Variants in HACD4 observed in about 807,000 individuals in gnomAD.
HACD4 encodes the protein very-long-chain (3R)-3-hydroxyacyl-CoA dehydratase 4.
Under a neutral mutation model 33.3 loss-of-function variants are expected in HACD4, and 35 were observed. The observed-to-expected ratio is 1.05, with a 90% CI of 0.80 to 1.39. HACD4 has a LOEUF of 1.39. Among genes scored for constraint, HACD4 ranks in the 40% most tolerant of loss-of-function variants. The pLI is 0.00. For missense variants in HACD4, 323 were observed against 276.5 expected, an observed-to-expected ratio of 1.17 and a Z score of -1.19; for synonymous variants, 118 against 98.0, an observed-to-expected ratio of 1.20 and a Z score of -1.21.
chr9:21,017,970 A>G (rs1375049561), intron 3 of HACD4: 1 of 152,180 alleles, frequency 6.6e-6, no homozygotes, highest in Admixed American at 6.5e-5. Flanking sequence ...TCATCACTTC[A>G]CTGTCTGTGG....
chr9:21,024,356 A>G (rs936154194), intron 3 of HACD4, among the ~76,000 whole-genome samples: 14 of 152,254 alleles, frequency 9.2e-5, no homozygotes, highest in African/African-American at 3.4e-4. Context: ...TATCTCTCCC[A>G]GTAACTGAAG....
rs536345437 is a variant in HACD4 at position 21,005,560 on chromosome 9, G to A, written c.*1477C>T. 6.6e-6 allele frequency: 1 copy of A among 152,332 alleles called. No individual in the cohort carries two copies. The highest frequency in any genetic ancestry group is 2.1e-4 in the South Asian group (1 of 4,822). 9.4% of individuals were successfully genotyped at this position (152,332 alleles called of 1,614,324 possible). A position where few individuals can be genotyped will look rare whatever the true frequency, so the allele number is the denominator to read the frequency against. ...ACCATAGAGCTATTCAGCTGTGAATGTACACTATTCTTCAAGAAAAGGAGA... is the reference window on the plus strand; with the variant it reads ...ACCATAGAGCTATTCAGCTGTGAATATACACTATTCTTCAAGAAAAGGAGA... On this transcript the variant is annotated 3_prime_UTR_variant, in exon 7 of 7. Coordinates refer to ENST00000495827, the MANE Select transcript of HACD4 (RefSeq NM_001010915.5). This position sits in a 1 kb window ranked among gnomAD's most constrained non-coding sequence, Gnocchi z 4.0.
At chr9:21,013,854 G>A (rs944717726) in intron 4 of HACD4, among the ~76,000 whole-genome samples, 1 of 152,054 alleles carries the variant, frequency 6.6e-6, no homozygotes, top group African/African-American at 2.4e-5. Context: ...TTATGTATAA[G>A]ATGTCATCTG....
intron 6 of HACD4, among the ~76,000 whole-genome samples, chr9:21,007,767 A>C (rs756441232): frequency 2.6e-5 from 4 of 152,188 alleles, no homozygotes; most frequent in Non-Finnish European, 5.9e-5. Context: ...TCTATATCTC[A>C]TACATAATGC....
At chr9:21,021,977 C>G (rs1274107433) in intron 3 of HACD4, among the ~76,000 whole-genome samples, 1 of 152,132 alleles carries the variant, frequency 6.6e-6, no homozygotes, top group Non-Finnish European at 1.5e-5. Flanking sequence ...TGACTTCAAA[C>G]TATACTACAA....
chr9:21,026,559 G>T, intron 3 of HACD4, 37 bp downstream of exon 3: 3 of 1,541,314 alleles, frequency 1.9e-6, no homozygotes, highest in East Asian at 2.3e-5. Flanking sequence ...ATGTAAAAAT[G>T]AAACAGATTC....
At position 21,031,629 on chromosome 9, in the gene HACD4, G is replaced by C. The variant is rs1818228623; in HGVS notation, c.-39C>G. On this transcript the variant is annotated 5_prime_UTR_variant, in exon 1 of 7. Coordinates refer to ENST00000495827, the MANE Select transcript of HACD4 (RefSeq NM_001010915.5). Reference sequence around the variant, plus strand: ...CAGGGCTTCCAGCGCGGTCCAGGAAGGAGTACCGGGGAGGAGGCAGGGGCG... The same window carrying C: ...CAGGGCTTCCAGCGCGGTCCAGGAACGAGTACCGGGGAGGAGGCAGGGGCG... 2 of 1,352,006 alleles carry C rather than the reference G, an allele frequency of 1.5e-6. No homozygotes were observed. Among genetic ancestry groups the C allele is most frequent in the East Asian group, 3.1e-5 (1 of 32,214 alleles). 83.8% of individuals were successfully genotyped at this position (1,352,006 alleles called of 1,614,324 possible). A position where few individuals can be genotyped will look rare whatever the true frequency, so the allele number is the denominator to read the frequency against.
chr9:21,016,203 T>G (rs1240600401), intron 3 of HACD4, among the ~76,000 whole-genome samples, 193 bp from the exon 4 acceptor site: 1 of 152,240 alleles, frequency 6.6e-6, no homozygotes, highest in East Asian at 1.9e-4. Context: ...GTCTATATTT[T>G]ACAAATAATA....
intron 4 of HACD4, among the ~76,000 whole-genome samples, chr9:21,014,677 G>A (rs984899723): frequency 6.6e-6 from 1 of 152,058 alleles, no homozygotes; most frequent in African/African-American, 2.4e-5. Flanking sequence ...CACAAATTTT[G>A]TATTTTAAAA....
At chr9:21,015,867 CTTGTT>C (rs1842542878) in intron 4 of HACD4, 26 bp downstream of exon 4, 4 of 1,441,440 alleles carry the variant, frequency 2.8e-6, no homozygotes, top group South Asian at 1.1e-5. Context: ...GCAATTTAGC[CTTGTT>C]TTAAGAGATT....
At chr9:21,022,401 C>T (rs749161286) in intron 3 of HACD4, among the ~76,000 whole-genome samples, 13 of 152,068 alleles carry the variant, frequency 8.5e-5, no homozygotes, top group African/African-American at 1.4e-4. Context: ...TAAAAAGCTC[C>T]GGTACAGCAA....
At chr9:21,027,426 A>T (rs149229910) in intron 2 of HACD4, among the ~76,000 whole-genome samples, 1 of 152,344 alleles carries the variant, frequency 6.6e-6, no homozygotes, top group Non-Finnish European at 1.5e-5. Context: ...TGCCATGTTT[A>T]GAAACTCGTA....
At position 21,002,973 on chromosome 9, in the gene HACD4, G is replaced by T. The variant is rs1842190115; in HGVS notation, c.*4064C>A. 1 of 151,994 alleles carries T rather than the reference G, an allele frequency of 6.6e-6. No individual in the cohort carries two copies. Among genetic ancestry groups the T allele is most frequent in the Non-Finnish European group, 1.5e-5 (1 of 67,972 alleles). 9.4% of individuals were successfully genotyped at this position (151,994 alleles called of 1,614,324 possible). On this transcript the variant is annotated 3_prime_UTR_variant, in exon 7 of 7. Coordinates refer to ENST00000495827, the MANE Select transcript of HACD4 (RefSeq NM_001010915.5). The stretch of plus-strand genomic sequence containing the variant: ...ACTATGTCTGGGTTTCTTAACCTGG[G>T]GAACATGTACTTAAGTAGAAAAAGA...
Position 21,008,101 on chromosome 9 carries a change from G to C in HACD4, c.536C>G (p.Thr179Ser). The change falls in exon 6 of 7, where the codon ACT becomes AGT. Residue 179 changes from threonine (T) to serine (S), a missense_variant. By Grantham distance (58) the Thr-to-Ser change is moderately conservative (BLOSUM62 1). Transcript: ENST00000495827. ...GTCAAAGGGCAGCTTGGTGGAATAA[G>C]TGCCAAATGATTCAAAATAAGGCAG... ...QSLPYFESFG[T>S]YSTKLPFDLS... The C allele has an allele frequency of 6.2e-7, 1 of 1,610,416 alleles. No individual in the cohort carries two copies. The highest frequency in any genetic ancestry group is 8.5e-7 in the Non-Finnish European group (1 of 1,178,152).
chr9:21,017,512 A>G (rs1842588076), intron 3 of HACD4, among the ~76,000 whole-genome samples: 1 of 152,104 alleles, frequency 6.6e-6, no homozygotes, highest in Non-Finnish European at 1.5e-5. Context: ...ATGTCATGAC[A>G]CCTCTCAGCC....
intron 3 of HACD4, among the ~76,000 whole-genome samples, chr9:21,023,981 A>G (rs1168284326): frequency 6.6e-6 from 1 of 152,250 alleles, no homozygotes; most frequent in East Asian, 1.9e-4. Context: ...CAGTTTCTTC[A>G]TTTAAAAATG....
At chr9:21,013,632 T>C (rs1010973811) in intron 4 of HACD4, among the ~76,000 whole-genome samples, 16 of 152,196 alleles carry the variant, frequency 1.1e-4, no homozygotes, top group Admixed American at 4.6e-4. Context: ...TTCCAAGTCA[T>C]GTGGGATGTC....
chr9:21,000,900 T>C lies in HACD4; in HGVS notation c.*6137A>G, dbSNP rs1012718415. Reference sequence around the variant, plus strand: ...TATCTATTTGTACTTCTGAAATAAATACAGTTTCTCACATTTGACAACTTG... The same window carrying C: ...TATCTATTTGTACTTCTGAAATAAACACAGTTTCTCACATTTGACAACTTG... On this transcript the variant is annotated 3_prime_UTR_variant, in exon 7 of 7. Transcript: ENST00000495827. The C allele has an allele frequency of 6.6e-6, 1 of 152,044 alleles. No individual in the cohort carries two copies. The highest frequency in any genetic ancestry group is 2.4e-5 in the African/African-American group (1 of 41,426). The allele number at this position is 152,044 out of a possible 1,614,324, so 9.4% of individuals were successfully genotyped here.
chr9:21,017,639 A>G (rs1163553348), intron 3 of HACD4, among the ~76,000 whole-genome samples: 1 of 152,134 alleles, frequency 6.6e-6, no homozygotes, highest in Non-Finnish European at 1.5e-5. Context: ...CAGGAGATAC[A>G]CATACATGAA....
Sources: gnomAD v4.1 joint callset for allele counts (sites outside exome capture counted in the v4.1 genomes callset) on GRCh38, gnomAD v4.1.1 for gene constraint, Gnocchi (gnomAD v3.1) non-coding constraint, MANE v1.5 for transcripts, NCBI Gene and HGNC (gene_info 2026-07-23, HGNC 2026-07-21) for gene names.